The following COL21A1 variants were observed in gnomAD, a reference collection of about 807,000 sequenced individuals.
COL21A1 encodes the protein collagen type XXI alpha 1 chain, also known as collagen alpha-1(XXI) chain.
Under a neutral mutation model 137.9 loss-of-function variants are expected in COL21A1, and 149 were observed. The observed-to-expected ratio is 1.08, with a 90% confidence interval of 0.95 to 1.24. The LOEUF (loss-of-function observed/expected upper bound fraction) is 1.24, where lower values mean the gene tolerates loss of function less well. COL21A1 is among the 50% of genes most tolerant of loss of function. COL21A1 has a pLI of 0.00. For missense variants in COL21A1, 1,167 were observed against 1,158.4 expected, an observed-to-expected ratio of 1.01 and a Z score of -0.11; for synonymous variants, 456 against 391.5, an observed-to-expected ratio of 1.16 and a Z score of -1.95.
At chr6:56,235,675 G>A (rs1562012129) in intron 1 of COL21A1, among the ~76,000 whole-genome samples, 1 of 151,880 alleles carries the variant, frequency 6.6e-6, no homozygotes, top group Non-Finnish European at 1.5e-5. Context: ...CTGGTAGGAG[G>A]TTTCTGGTGG....
At chr6:56,319,824 C>G (rs1281173414) in intron 1 of COL21A1, among the ~76,000 whole-genome samples, 1 of 152,156 alleles carries the variant, frequency 6.6e-6, no homozygotes, top group Non-Finnish European at 1.5e-5. Flanking sequence ...TCACGTCTGG[C>G]AGGATCCTTA....
At chr6:56,193,057 A>G (rs1382657555) in intron 1 of COL21A1, among the ~76,000 whole-genome samples, 2 of 152,190 alleles carry the variant, frequency 1.3e-5, no homozygotes, top group African/African-American at 4.8e-5. Context: ...TCGGCAAACT[A>G]TTCCAAGAAC....
In COL21A1 at chr6:56,126,107, G is replaced by T; in HGVS notation, c.1585C>A (p.Pro529Thr). 6.5e-7 allele frequency: 1 copy of T among 1,544,738 alleles called. No individual in the cohort carries two copies. Among genetic ancestry groups the T allele is most frequent in the Middle Eastern group, 1.7e-4 (1 of 5,974 alleles). Reference sequence around the variant, plus strand: ...CAGATTTCTTCAACCTTTGATCCTGGCATGCCATGAAGCCCAGGAAAACCA... The same window carrying T: ...CAGATTTCTTCAACCTTTGATCCTGTCATGCCATGAAGCCCAGGAAAACCA... ...LPGFPGLHGMPGSKGEMGAKG... is the reference protein window; with the variant it reads ...LPGFPGLHGMTGSKGEMGAKG... Residue 529 changes from proline (P) to threonine (T), a missense_variant, in exon 13 of 30, where the codon CCA (proline) becomes ACA (threonine). Pro to Thr is a conservative substitution (Grantham distance 38). Transcript: ENST00000244728.
intron 1 of COL21A1, among the ~76,000 whole-genome samples, chr6:56,222,253 AC>A (rs1780883034): frequency 6.6e-6 from 1 of 152,170 alleles, no homozygotes; most frequent in Non-Finnish European, 1.5e-5. Flanking sequence ...AGCCTTGGCA[AC>A]AAGAGTGAAA....
Position 56,060,841 on chromosome 6 carries a change from A to T in COL21A1, c.2353-46T>A, listed in dbSNP as rs768840679. On this transcript the variant is annotated intron_variant, in intron 26 of 29. Coordinates refer to ENST00000244728, the MANE Select transcript of COL21A1 (RefSeq NM_030820.4). ...TTATAACATGCACATAAAGAACATGAGCAAAAATCAATGAAAATGTAATAA... is the reference window on the plus strand; with the variant it reads ...TTATAACATGCACATAAAGAACATGTGCAAAAATCAATGAAAATGTAATAA... 4.4e-6 allele frequency: 7 copies of T among 1,585,214 alleles called. No individual in the cohort carries two copies. In the East Asian group the frequency reaches 1.6e-4, roughly 36 times the overall value.
chr6:56,315,072 GAC>G (rs1196514916), intron 1 of COL21A1, among the ~76,000 whole-genome samples: 1 of 152,192 alleles, frequency 6.6e-6, no homozygotes, highest in Non-Finnish European at 1.5e-5. Flanking sequence ...TAAACATTTT[GAC>G]AGTCTAGAAA....
chr6:56,249,394 A>G (rs564278050), upstream of COL21A1, among the ~76,000 whole-genome samples: 29 of 152,348 alleles, frequency 1.9e-4, no homozygotes, highest in South Asian at 3.5e-3. Context: ...AAAAACATAT[A>G]TCCACATCAA....
chr6:56,279,106 C>T (rs546960053), intron 1 of COL21A1, among the ~76,000 whole-genome samples: 2 of 152,182 alleles, frequency 1.3e-5, no homozygotes, highest in South Asian at 4.2e-4. Context: ...TAGCACCATC[C>T]TCTTGGTGCT....
chr6:56,229,004 T>C (rs1375807261), intron 1 of COL21A1, among the ~76,000 whole-genome samples: 1 of 152,032 alleles, frequency 6.6e-6, no homozygotes, highest in African/African-American at 2.4e-5. Context: ...CATAGAAATG[T>C]CAAAAATTGT....
chr6:56,125,591 T>C lies in COL21A1; in HGVS notation c.1626A>G (p.Gly542=). The change falls in exon 14 of 30, where the codon GGA becomes GGG. Residue 542 remains glycine (G), a synonymous_variant. Transcript: ENST00000244728. ...CCTTTTTGCCATAAAATCCAGGTGA[T>C]CCTTTGTCTCCTTTGGCACCCATTT... is the stretch of plus-strand genomic sequence containing the variant. ...KGEMGAKGDK[G]SPGFYGKKGA... 1 of 1,600,060 alleles carries C rather than the reference T, an allele frequency of 6.2e-7. No homozygotes were observed. Among genetic ancestry groups the C allele is most frequent in the Non-Finnish European group, 8.5e-7 (1 of 1,170,754 alleles).
chr6:56,323,959 A>G (rs1037096397), intron 1 of COL21A1, among the ~76,000 whole-genome samples: 2 of 152,110 alleles, frequency 1.3e-5, no homozygotes, highest in Non-Finnish European at 2.9e-5. Flanking sequence ...ATTCTTGGTC[A>G]GTGTGTTCTG....
intron 10 of COL21A1, among the ~76,000 whole-genome samples, chr6:56,148,356 G>GAGAGAGAGAGAGAGAGAC (rs1775011851): frequency 6.6e-6 from 1 of 151,116 alleles, no homozygotes; most frequent in Non-Finnish European, 1.5e-5. Flanking sequence ...GAGAGAGAGA[G>GAGAGAGAGAGAGAGAGAC]AGAGAGAGAG....
At chr6:56,205,872 C>A (rs1445005671) in intron 1 of COL21A1, among the ~76,000 whole-genome samples, 1 of 152,160 alleles carries the variant, frequency 6.6e-6, no homozygotes, top group African/African-American at 2.4e-5. Flanking sequence ...AATTTCATAT[C>A]CAGCCAAACT....
chr6:56,354,533 T>G (rs1011322317), intron 1 of COL21A1, among the ~76,000 whole-genome samples: 2 of 152,262 alleles, frequency 1.3e-5, no homozygotes, highest in South Asian at 4.2e-4. Flanking sequence ...CATGACTAGA[T>G]TCCCATTGGC....
intron 1 of COL21A1, among the ~76,000 whole-genome samples, chr6:56,224,228 T>A (rs1037257792): frequency 6.6e-6 from 1 of 152,100 alleles, no homozygotes; most frequent in African/African-American, 2.4e-5. Context: ...AGTAATAAAG[T>A]CTTTTGTCCC....
chr6:56,385,216 G>A (rs2094015684), intron 1 of COL21A1, among the ~76,000 whole-genome samples: 1 of 152,202 alleles, frequency 6.6e-6, no homozygotes, highest in Non-Finnish European at 1.5e-5. Flanking sequence ...TTGGTGGGAG[G>A]TGATGTCATA....
Position 56,301,878 on chromosome 6 carries a change from C to T in COL21A1, c.-39+92093G>A, listed in dbSNP as rs562638694. ...CTCCCCCCCCCAATCCCACAACAGG[C>T]CCCGGTGTGTGATGTTCCCCTTCCT... On this transcript the variant is annotated intron_variant, in intron 1 of 28. Coordinates refer to the COL21A1 transcript ENST00000370819. Among the ~76,000 whole-genome samples, 13 of 151,392 alleles carry T rather than the reference C, an allele frequency of 8.6e-5. No homozygotes were observed. In the East Asian group the frequency reaches 2.5e-3, roughly 30 times the overall value.
rs1263047472 is a variant in COL21A1 at position 56,120,120 on chromosome 6, A to T, written c.1758+3942T>A. 2.6e-5 allele frequency among the ~76,000 whole-genome samples: 4 copies of T among 152,224 alleles called. No homozygotes were observed. The East Asian group carries it at 7.7e-4, about 29-fold the overall frequency. On this transcript the variant is annotated intron_variant, in intron 16 of 29. Transcript: ENST00000244728. ...AACAAAGTGAAGAGATAGTCCATGA[A>T]ATTCAAGAAAATATTTGCGAACTAC... is the stretch of plus-strand genomic sequence containing the variant.
At chr6:56,329,918 AC>A (rs1765180855) in intron 1 of COL21A1, among the ~76,000 whole-genome samples, 2 of 152,136 alleles carry the variant, frequency 1.3e-5, no homozygotes, top group African/African-American at 4.8e-5. Flanking sequence ...CAAGGATAGA[AC>A]TTTTGAAGAC....
Sources: gnomAD v4.1 joint callset for allele counts (sites outside exome capture counted in the v4.1 genomes callset) on GRCh38, gnomAD v4.1.1 for gene constraint, MANE v1.5 for transcripts, NCBI Gene and HGNC (gene_info 2026-07-23, HGNC 2026-07-21) for gene names.